PP2D1: variants seen among roughly 807,000 people sequenced by gnomAD.
PP2D1 encodes protein phosphatase 2C-like domain-containing protein 1.
Under a neutral mutation model 30.2 loss-of-function variants are expected in PP2D1, and 25 were observed. That is an observed-to-expected ratio of 0.83 (90% confidence interval 0.60 to 1.16). The LOEUF is 1.16. PP2D1 is among the 50% of genes most tolerant of loss of function. The pLI is 0.00. For missense variants in PP2D1, 760 were observed against 742.4 expected, an observed-to-expected ratio of 1.02 and a Z score of -0.28; for synonymous variants, 260 against 258.9, an observed-to-expected ratio of 1.00 and a Z score of -0.04.
chr3:19,999,081 C>CTT (rs63201460), intron 2 of PP2D1, among the ~76,000 whole-genome samples: 68,535 of 135,072 alleles, frequency 0.51, 18,805 homozygotes, highest in Non-Finnish European at 0.62. Context: ...TGTGTCTAGA[C>CTT]TTTTTTTTTT....
intron 2 of PP2D1, among the ~76,000 whole-genome samples, chr3:19,993,393 G>A (rs1242711232): frequency 6.6e-6 from 1 of 152,152 alleles, no homozygotes; most frequent in Non-Finnish European, 1.5e-5. Flanking sequence ...ACCAAGAGCA[G>A]AAACCAGCTT....
At chr3:20,011,301 T>C (rs1697383090) in intron 1 of PP2D1, among the ~76,000 whole-genome samples, 1 of 152,140 alleles carries the variant, frequency 6.6e-6, no homozygotes, top group Admixed American at 6.6e-5. Flanking sequence ...GTAATATTCA[T>C]GTAAAGGATG....
chr3:19,986,025 A>G lies in PP2D1; in HGVS notation c.1248T>C (p.Thr416=). The G allele has an allele frequency of 6.5e-7, 1 of 1,536,088 alleles. No individual in the cohort carries two copies. Among genetic ancestry groups the G allele is most frequent in the Non-Finnish European group, 8.7e-7 (1 of 1,146,884 alleles). The part of the protein sequence containing the change: ...PYGLVEGQVK[T]TRGLGFHGNL... ...TTCCATGAAATCCAAGTCCTCGTGT[A>G]GTTTTTACTTGCCCCTCTACAAGCC... Residue 416 remains threonine (T), a synonymous_variant, in exon 3 of 3, where the codon ACT becomes ACC. Transcript: ENST00000389050.
chr3:20,003,879 C>CA (rs1697285664), intron 1 of PP2D1, among the ~76,000 whole-genome samples: 2 of 152,008 alleles, frequency 1.3e-5, no homozygotes, highest in African/African-American at 4.8e-5. Context: ...ATGTTTTTGT[C>CA]TTTTAAGCCA....
intron 2 of PP2D1, among the ~76,000 whole-genome samples, chr3:19,998,575 T>A (rs1697211873): frequency 6.6e-6 from 1 of 152,182 alleles, no homozygotes; most frequent in South Asian, 2.1e-4. Flanking sequence ...CATGAATATT[T>A]ATAATTATTA....
chr3:20,000,961 G>A, intron 2 of PP2D1, 69 bp downstream of exon 2: 1 of 829,132 alleles, frequency 1.2e-6, no homozygotes, highest in Non-Finnish European at 1.6e-6. Context: ...AATTGTGGAA[G>A]CATGAGGGGT....
At chr3:19,983,571 A>G, downstream of PP2D1, 1 of 654,116 alleles carries the variant, frequency 1.5e-6, no homozygotes, top group Non-Finnish European at 2.7e-6. Context: ...CTCAGTAAAC[A>G]TTTGAAAAGA....
At chr3:19,989,058 G>A (rs1416701858) in intron 2 of PP2D1, among the ~76,000 whole-genome samples, 1 of 152,220 alleles carries the variant, frequency 6.6e-6, no homozygotes, top group Non-Finnish European at 1.5e-5. Flanking sequence ...TTGGTGGCCA[G>A]TGTGGTGGCT....
Position 20,001,946 on chromosome 3 carries a change from A to G in PP2D1, c.174T>C (p.Tyr58=), listed in dbSNP as rs1340845039. The G allele has an allele frequency of 5.2e-6, 8 of 1,536,248 alleles. No homozygotes were observed. Among genetic ancestry groups the G allele is most frequent in the Non-Finnish European group, 5.2e-6 (6 of 1,146,978 alleles). Residue 58 remains tyrosine, a synonymous_variant, in exon 2 of 3, where the codon TAT becomes TAC. Transcript: ENST00000389050. ...AACAGGGTAATGTGGTCCCTTGCTCATAGACCTGCTCCTCTTCATGGCGTT... is the reference window on the plus strand; with the variant it reads ...AACAGGGTAATGTGGTCCCTTGCTCGTAGACCTGCTCCTCTTCATGGCGTT... ...HTKRHEEEQV[Y]EQGTTLPCSI...
intron 2 of PP2D1, among the ~76,000 whole-genome samples, chr3:19,989,861 A>G (rs531132075): frequency 6.6e-6 from 1 of 152,290 alleles, no homozygotes; most frequent in East Asian, 1.9e-4. Context: ...TAGCAAAAAG[A>G]AAAAGCATTA....
In PP2D1 at chr3:19,991,914, A is replaced by T. The variant is rs373136006; in HGVS notation, c.1091-5732T>A. On this transcript the variant is annotated intron_variant, in intron 2 of 2. Transcript: ENST00000389050. Reference sequence around the variant, plus strand: ...AGGCTTAAGATAGTAGGCAGTGGTAACTTGGAACTTAGGGAAAATTGAAAT... The same window carrying T: ...AGGCTTAAGATAGTAGGCAGTGGTATCTTGGAACTTAGGGAAAATTGAAAT... Among the ~76,000 whole-genome samples the T allele has an allele frequency of 9.2e-5, 14 of 152,320 alleles. No individual in the cohort carries two copies. In the South Asian group the frequency reaches 2.9e-3, roughly 32 times the overall value.
At position 19,993,925 on chromosome 3, in the gene PP2D1, G is replaced by T. The variant is rs1697147199; in HGVS notation, c.1090+7105C>A. Among the ~76,000 whole-genome samples, 5 of 151,782 alleles carry T rather than the reference G, an allele frequency of 3.3e-5. No individual in the cohort carries two copies. In the South Asian group the frequency reaches 1.0e-3, roughly 32 times the overall value. ...TTTTTGTATTTTTTAGTAGAGATTGGGTTTCACCATGTTGGCCAGGCTGGT... is the reference window on the plus strand; with the variant it reads ...TTTTTGTATTTTTTAGTAGAGATTGTGTTTCACCATGTTGGCCAGGCTGGT... On this transcript the variant is annotated intron_variant, in intron 2 of 2. Coordinates refer to ENST00000389050, the MANE Select transcript of PP2D1 (RefSeq NM_001252657.2).
At chr3:20,011,979 G>A (rs1424771047) in intron 1 of PP2D1, 71 bp downstream of exon 1, 1 of 1,246,924 alleles carries the variant, frequency 8.0e-7, no homozygotes, top group Non-Finnish European at 1.1e-6. Flanking sequence ...GAAAGTGGAA[G>A]AAAAAAATAC....
Position 20,001,882 on chromosome 3 carries a change from GA to G in PP2D1, c.237del (p.Leu80SerfsTer7). The G allele has an allele frequency of 6.5e-7, 1 of 1,536,184 alleles. No individual in the cohort carries two copies. Among genetic ancestry groups the G allele is most frequent in the Non-Finnish European group, 8.7e-7 (1 of 1,146,908 alleles). ...CKHEIDLTGI[F>X]LHKKQHVALA... The stretch of plus-strand genomic sequence containing the variant: ...AGAGCTACATGTTGCTTCTTATGGA[GA>G]AAAATACCAGTTAGGTCAATTTCGT... On this transcript the variant is annotated frameshift_variant, in exon 2 of 3. Coordinates refer to ENST00000389050, the MANE Select transcript of PP2D1 (RefSeq NM_001252657.2). LOFTEE classifies it high-confidence loss of function.
intron 1 of PP2D1, among the ~76,000 whole-genome samples, chr3:20,003,604 C>A (rs1297545199): frequency 1.3e-5 from 2 of 151,708 alleles, no homozygotes; most frequent in Non-Finnish European, 2.9e-5. Flanking sequence ...ATTAGCTGAG[C>A]GTGGTGGCTT....
Position 19,985,950 on chromosome 3 carries a change from G to T in PP2D1, c.1323C>A (p.Val441=), listed in dbSNP as rs1180865415. 2 of 1,536,228 alleles carry T rather than the reference G, an allele frequency of 1.3e-6. No homozygotes were observed. Among genetic ancestry groups the T allele is most frequent in the South Asian group, 2.4e-5 (2 of 84,058 alleles). ...GGAATTGACATAGGTCATCTATAGGGACAGAAATAGTTTGAGGTGCTGGGA... is the reference window on the plus strand; with the variant it reads ...GGAATTGACATAGGTCATCTATAGGTACAGAAATAGTTTGAGGTGCTGGGA... The part of the protein sequence containing the change: ...SIIPAPQTIS[V]PIDDLCQFLI... Residue 441 remains valine, a synonymous_variant, in exon 3 of 3, where the codon GTC becomes GTA. Transcript: ENST00000389050.
Position 19,985,496 on chromosome 3 carries a change from C to T in PP2D1, c.1777G>A (p.Ala593Thr), listed in dbSNP as rs776657792. 29 of 1,535,926 alleles carry T rather than the reference C, an allele frequency of 1.9e-5. No individual in the cohort carries two copies. Among genetic ancestry groups the T allele is most frequent in the Admixed American group, 3.9e-5 (2 of 50,968 alleles). ...ESDTKSFYEG[A>T]AEYVSHELVN... Reference sequence around the variant, plus strand: ...AGTTCATGGCTAACATACTCAGCTGCGCCTTCATAGAAACTCTTAGTGTCT... The same window carrying T: ...AGTTCATGGCTAACATACTCAGCTGTGCCTTCATAGAAACTCTTAGTGTCT... Residue 593 changes from alanine to threonine, a missense_variant, in exon 3 of 3, where the codon GCA (alanine) becomes ACA (threonine). Coordinates refer to ENST00000389050, the MANE Select transcript of PP2D1 (RefSeq NM_001252657.2).
chr3:20,011,056 A>C (rs1366181781), intron 1 of PP2D1, among the ~76,000 whole-genome samples: 1 of 152,108 alleles, frequency 6.6e-6, no homozygotes, highest in Non-Finnish European at 1.5e-5. Flanking sequence ...TCTGGCTAGG[A>C]ATGGTGTGAT....
intron 2 of PP2D1, among the ~76,000 whole-genome samples, chr3:19,995,231 T>G (rs917515018): frequency 6.6e-6 from 1 of 152,118 alleles, no homozygotes; most frequent in Non-Finnish European, 1.5e-5. Flanking sequence ...AAAAAAAAGT[T>G]TTTGCGGTTG....
Sources: gnomAD v4.1 joint callset for allele counts (sites outside exome capture counted in the v4.1 genomes callset) on GRCh38, gnomAD v4.1.1 for gene constraint, MANE v1.5 for transcripts, NCBI Gene and HGNC (gene_info 2026-07-23, HGNC 2026-07-21) for gene names.